The following NT5DC1 variants were observed in gnomAD, a reference collection of about 807,000 sequenced individuals.
The protein encoded by NT5DC1 is 5'-nucleotidase domain containing 1.
In NT5DC1, 42 loss-of-function variants were observed where a neutral mutation model predicts 59.4. The observed-to-expected ratio is 0.71, with a 90% CI of 0.55 to 0.92. NT5DC1 has a LOEUF of 0.92. Ranked by LOEUF, NT5DC1 falls within the 40% of genes least tolerant of loss-of-function variation. NT5DC1 has a pLI of 0.00. For synonymous variants in NT5DC1, 172 were observed against 188.1 expected (o/e 0.91, Z 0.70); for missense variants, 501 against 537.1 (o/e 0.93, Z 0.66).
intron 5 of NT5DC1, among the ~76,000 whole-genome samples, chr6:116,117,301 ATATG>A (rs1172136123): frequency 6.6e-6 from 1 of 152,188 alleles, no homozygotes; most frequent in East Asian, 1.9e-4. Flanking sequence ...AAATTTAGTG[ATATG>A]TATGTGTATA....
At chr6:116,104,252 A>G (rs1352554711) in intron 1 of NT5DC1, among the ~76,000 whole-genome samples, 2 of 152,114 alleles carry the variant, frequency 1.3e-5, no homozygotes, top group African/African-American at 2.4e-5. Context: ...TTCCTTGTCC[A>G]TTGGCCCCCT....
intron 1 of NT5DC1, among the ~76,000 whole-genome samples, chr6:116,102,740 C>G (rs531988630): frequency 7.2e-5 from 11 of 152,136 alleles, no homozygotes; most frequent in Non-Finnish European, 1.3e-4. Flanking sequence ...TATTTTAAGT[C>G]CCACAGTGTG....
intron 6 of NT5DC1, among the ~76,000 whole-genome samples, chr6:116,204,361 A>G (rs1173282067): frequency 6.6e-6 from 1 of 152,000 alleles, no homozygotes; most frequent in African/African-American, 2.4e-5. Flanking sequence ...ACTGAGAAAG[A>G]TTCAAAAAGA....
chr6:116,109,303 A>C (rs1778820102), intron 3 of NT5DC1, among the ~76,000 whole-genome samples: 1 of 152,224 alleles, frequency 6.6e-6, no homozygotes. Context: ...CCTAAGGTGC[A>C]TCTACCTAGA....
chr6:116,144,963 A>T lies in NT5DC1; in HGVS notation c.529+27018A>T, dbSNP rs569515484. ...AAAATGTGCTAGTTGCCAGCAGTGA[A>T]GAAGTGATCTGAGGGAAAAGGGTTC... On this transcript the variant is annotated intron_variant, in intron 6 of 11. Coordinates refer to ENST00000319550, the MANE Select transcript of NT5DC1 (RefSeq NM_152729.3). 3.3e-5 allele frequency among the ~76,000 whole-genome samples: 5 copies of T among 152,336 alleles called. No homozygotes were observed. In the East Asian group the frequency reaches 9.6e-4, roughly 29 times the overall value.
chr6:116,121,834 T>G, intron 6 of NT5DC1: 2 of 1,613,950 alleles, frequency 1.2e-6, no homozygotes, highest in Non-Finnish European at 1.7e-6. Flanking sequence ...CTGGCAACCC[T>G]GGCTCTCCTT....
At chr6:116,129,599 G>A (rs1349363392) in intron 6 of NT5DC1, among the ~76,000 whole-genome samples, 1 of 152,142 alleles carries the variant, frequency 6.6e-6, no homozygotes, top group Non-Finnish European at 1.5e-5. Flanking sequence ...CGATACTACA[G>A]CATGAACGCT....
intron 6 of NT5DC1, chr6:116,120,889 T>C: frequency 6.2e-7 from 1 of 1,613,948 alleles, no homozygotes; most frequent in Non-Finnish European, 8.5e-7. Context: ...CAGGATCACC[T>C]TTTGGACCTG....
chr6:116,241,141 C>CAA lies in NT5DC1; in HGVS notation c.1252+2035_1252+2036dup, dbSNP rs532456933. ...CCTGGGTAACAGAGCAAGACTGTCTCAAAAAAAAAAAAAAAAAAGTAAAAT... is the reference window on the plus strand; with the variant it reads ...CCTGGGTAACAGAGCAAGACTGTCTCAAAAAAAAAAAAAAAAAAAAGTAAAAT... On this transcript the variant is annotated intron_variant, in intron 11 of 11. Transcript: ENST00000319550. 3.0e-3 allele frequency among the ~76,000 whole-genome samples: 195 copies of CAA among 64,262 alleles called. 1 individual carries two copies. Among genetic ancestry groups the CAA allele is most frequent in the East Asian group, 9.4e-3 (18 of 1,906 alleles). The allele number at this position is 64,262 out of a possible 152,430, so 42.2% of individuals were successfully genotyped here.
chr6:116,236,942 A>G lies in NT5DC1; in HGVS notation c.803-24A>G, dbSNP rs535083432. The G allele has an allele frequency of 4.1e-5, 59 of 1,431,044 alleles. No individual in the cohort carries two copies. The East Asian group carries it at 7.0e-4, about 17-fold the overall frequency. 88.6% of individuals were successfully genotyped at this position (1,431,044 alleles called of 1,614,324 possible). ...CTACTCTCACTTGATTAAAAAGTAT[A>G]TGATTGTCAAACTGTATTTTCAGAG... On this transcript the variant is annotated intron_variant, in intron 8 of 11. Coordinates refer to ENST00000319550, the MANE Select transcript of NT5DC1 (RefSeq NM_152729.3).
intron 1 of NT5DC1, among the ~76,000 whole-genome samples, chr6:116,104,972 A>G (rs577153850): frequency 6.6e-6 from 1 of 152,138 alleles, no homozygotes; most frequent in Non-Finnish European, 1.5e-5. Flanking sequence ...AAGAAGTGTC[A>G]CCTATGGTTC....
chr6:116,166,958 T>A (rs1299558305), intron 6 of NT5DC1, among the ~76,000 whole-genome samples: 2 of 152,206 alleles, frequency 1.3e-5, no homozygotes, highest in Non-Finnish European at 2.9e-5. Flanking sequence ...CTTGTCTTTA[T>A]TAATTGTTTT....
chr6:116,136,469 T>G (rs939198871), intron 6 of NT5DC1, among the ~76,000 whole-genome samples: 11 of 94,924 alleles, frequency 1.2e-4, no homozygotes, highest in South Asian at 4.0e-4. Flanking sequence ...TTTTGTGGGG[T>G]TTTTTTTAAA....
intron 1 of NT5DC1, among the ~76,000 whole-genome samples, chr6:116,102,221 G>A (rs571863730): frequency 3.4e-5 from 5 of 144,956 alleles, no homozygotes; most frequent in Admixed American, 2.0e-4. Flanking sequence ...ATGGGCACCC[G>A]CCAGTTCCTG....
At chr6:116,107,633 C>T (rs1426210766) in intron 2 of NT5DC1, among the ~76,000 whole-genome samples, 6 of 151,076 alleles carry the variant, frequency 4.0e-5, no homozygotes, top group South Asian at 2.1e-4. Context: ...AGTGCAGTGG[C>T]GCGATCTCGG....
At chr6:116,143,587 A>G (rs1779818785) in intron 6 of NT5DC1, among the ~76,000 whole-genome samples, 1 of 152,070 alleles carries the variant, frequency 6.6e-6, no homozygotes, top group Admixed American at 6.5e-5. Context: ...TCCTATGAAA[A>G]TTTCCAAGTC....
intron 6 of NT5DC1, chr6:116,119,775 GT>G: frequency 4.1e-6 from 1 of 244,886 alleles, no homozygotes; most frequent in Admixed American, 5.3e-5. Context: ...TTTGTTGTTT[GT>G]TTTTTGTTGT....
intron 6 of NT5DC1, among the ~76,000 whole-genome samples, chr6:116,163,210 G>C (rs1046325998): frequency 4.8e-5 from 7 of 145,686 alleles, no homozygotes; most frequent in Non-Finnish European, 9.0e-5. Context: ...GTGCAATTTG[G>C]CTGTGAATTC....
intron 6 of NT5DC1, among the ~76,000 whole-genome samples, chr6:116,173,426 G>C (rs1171322788): frequency 1.3e-5 from 2 of 152,190 alleles, no homozygotes; most frequent in Non-Finnish European, 2.9e-5. Flanking sequence ...GTGATTTTTG[G>C]ACAGCAGAAC....
Sources: allele counts gnomAD v4.1 joint callset (sites outside exome capture counted in the v4.1 genomes callset), GRCh38; gene constraint gnomAD v4.1.1; transcripts MANE v1.5; gene names NCBI Gene and HGNC (gene_info 2026-07-23, HGNC 2026-07-21).